The following PPP2R2A variants were observed in gnomAD, a reference collection of about 807,000 sequenced individuals.
PPP2R2A encodes the protein protein phosphatase 2 regulatory subunit Balpha, also known as serine/threonine-protein phosphatase 2A 55 kDa regulatory subunit B alpha isoform.
In PPP2R2A, 9 loss-of-function variants were observed where a neutral mutation model predicts 53.2. That is an observed-to-expected ratio of 0.17 (90% CI 0.10 to 0.30). The LOEUF (loss-of-function observed/expected upper bound fraction) is 0.30. Among genes scored for constraint, PPP2R2A ranks in the 10% least tolerant of loss-of-function variants. The pLI is 1.00. For missense variants in PPP2R2A, 235 were observed against 534.6 expected, an observed-to-expected ratio of 0.44 and a Z score of 5.53; for synonymous variants, 169 against 174.2, an observed-to-expected ratio of 0.97 and a Z score of 0.23.
At position 26,338,525 on chromosome 8, in the gene PPP2R2A, T is replaced by A. The variant is rs1563308326; in HGVS notation, c.83-365T>A. 6.6e-6 allele frequency among the ~76,000 whole-genome samples: 1 copy of A among 152,274 alleles called. No homozygotes were observed. The highest frequency in any genetic ancestry group is 1.5e-5 in the Non-Finnish European group (1 of 68,052). On this transcript the variant is annotated intron_variant, in intron 2 of 9. Transcript: ENST00000380737. The surrounding 1 kb of genome is among the most constrained non-coding windows in gnomAD (Gnocchi z 4.5). ...TTATAGATGATTATTTGCATTTGCA[T>A]AAACAAGCTTATCAAATGTATATAA...
At chr8:26,345,588 A>AATGAC (rs771240221) in intron 3 of PPP2R2A, among the ~76,000 whole-genome samples, 1 of 152,122 alleles carries the variant, frequency 6.6e-6, no homozygotes, top group Non-Finnish European at 1.5e-5. Context: ...CCATCTCTGT[A>AATGAC]ATGACATGAC....
chr8:26,293,247 A>G lies in PPP2R2A; in HGVS notation c.8-419A>G, dbSNP rs530077864. ...ATCATTACTCCTTACCCAGGCAGTAATGTTCCCGAAGTTTTCTCTTCGTTC... is the reference window on the plus strand; with the variant it reads ...ATCATTACTCCTTACCCAGGCAGTAGTGTTCCCGAAGTTTTCTCTTCGTTC... On this transcript the variant is annotated intron_variant, in intron 1 of 9. Coordinates refer to ENST00000380737, the MANE Select transcript of PPP2R2A (RefSeq NM_002717.4). 14 of 1,535,948 alleles carry G rather than the reference A, an allele frequency of 9.1e-6. No homozygotes were observed. In the East Asian group the frequency reaches 1.7e-4, roughly 19 times the overall value.
chr8:26,323,113 C>T (rs1802924288), intron 2 of PPP2R2A, among the ~76,000 whole-genome samples: 1 of 152,192 alleles, frequency 6.6e-6, no homozygotes, highest in Non-Finnish European at 1.5e-5. Context: ...TAGCCCAGAC[C>T]TCTGGCTTTC....
intron 8 of PPP2R2A, 88 bp downstream of exon 8, chr8:26,363,978 C>T (rs1805244105): frequency 1.6e-6 from 2 of 1,239,604 alleles, no homozygotes; most frequent in Non-Finnish European, 2.2e-6. Context: ...GTTTTAATCC[C>T]TGTATGGTGT....
At chr8:26,309,061 G>A (rs1165961197) in intron 2 of PPP2R2A, among the ~76,000 whole-genome samples, 1 of 152,084 alleles carries the variant, frequency 6.6e-6, no homozygotes, top group Admixed American at 6.6e-5. Context: ...GGGTTTCAAT[G>A]TGTTGTCCAG....
At chr8:26,358,435 GTA>G (rs1804906633) in intron 4 of PPP2R2A, among the ~76,000 whole-genome samples, 1 of 152,140 alleles carries the variant, frequency 6.6e-6, no homozygotes. Flanking sequence ...TAGAAAATCT[GTA>G]TGACTGAACT....
At chr8:26,298,251 A>G (rs1801629044) in intron 2 of PPP2R2A, among the ~76,000 whole-genome samples, 1 of 152,172 alleles carries the variant, frequency 6.6e-6, no homozygotes, top group Non-Finnish European at 1.5e-5. Flanking sequence ...CTAATAATGT[A>G]TTAAAGGGTT....
At chr8:26,366,262 T>C in intron 8 of PPP2R2A, 53 bp from the exon 9 acceptor site, 1 of 1,418,940 alleles carries the variant, frequency 7.0e-7, no homozygotes, top group East Asian at 2.3e-5. Context: ...AGATATGGAC[T>C]TGTTAAATCA....
At chr8:26,299,081 C>G (rs1801668494) in intron 2 of PPP2R2A, among the ~76,000 whole-genome samples, 1 of 152,132 alleles carries the variant, frequency 6.6e-6, no homozygotes, top group Admixed American at 6.5e-5. Flanking sequence ...TGAGACCAGC[C>G]TGGACAACAT....
Position 26,362,847 on chromosome 8 carries a change from A to G in PPP2R2A, c.801A>G (p.Lys267=), listed in dbSNP as rs752713219. The G allele has an allele frequency of 1.2e-5, 19 of 1,611,244 alleles. No individual in the cohort carries two copies. In the Admixed American group the frequency reaches 1.8e-4, roughly 16 times the overall value. The change falls in exon 7 of 10, where the codon AAA becomes AAG. Residue 267 remains lysine (K), a splice_region_variant and synonymous_variant. Coordinates refer to ENST00000380737, the MANE Select transcript of PPP2R2A (RefSeq NM_002717.4). The surrounding 1 kb of genome is among the most constrained non-coding windows in gnomAD (Gnocchi z 4.4). ...CTGCCCTCTGTGATAGACATTCTAA[A>G]TGTAAGTTTATTGTATCTTTCCTTA... The part of the protein sequence containing the change: ...RASALCDRHS[K]LFEEPEDPSN...
chr8:26,362,052 T>A lies in PPP2R2A; in HGVS notation c.638-632T>A, dbSNP rs9773738. Reference sequence around the variant, plus strand: ...GATTAAGATTAATCTTAAGATTAGATTAAGATTAATTTTAAGATTAGAAAA... The same window carrying A: ...GATTAAGATTAATCTTAAGATTAGAATAAGATTAATTTTAAGATTAGAAAA... On this transcript the variant is annotated intron_variant, in intron 6 of 9. Coordinates refer to ENST00000380737, the MANE Select transcript of PPP2R2A (RefSeq NM_002717.4). This position sits in a 1 kb window ranked among gnomAD's most constrained non-coding sequence, Gnocchi z 4.4. Among the ~76,000 whole-genome samples the A allele has an allele frequency of 6.8e-6, 1 of 147,216 alleles. No individual in the cohort carries two copies. Among genetic ancestry groups the A allele is most frequent in the African/African-American group, 2.5e-5 (1 of 39,512 alleles).
intron 2 of PPP2R2A, among the ~76,000 whole-genome samples, chr8:26,305,186 C>T (rs894989246): frequency 1.6e-4 from 25 of 152,142 alleles, no homozygotes; most frequent in Non-Finnish European, 3.5e-4. Context: ...TTGTGACTGG[C>T]TTATTTCATA....
chr8:26,342,457 T>G (rs1219167251), intron 3 of PPP2R2A, among the ~76,000 whole-genome samples: 1 of 152,174 alleles, frequency 6.6e-6, no homozygotes, highest in Non-Finnish European at 1.5e-5. Flanking sequence ...TTTTTGTTGT[T>G]TCCATGGGTG....
At chr8:26,324,087 T>A (rs1261921140) in intron 2 of PPP2R2A, among the ~76,000 whole-genome samples, 1 of 152,214 alleles carries the variant, frequency 6.6e-6, no homozygotes, top group African/African-American at 2.4e-5. Context: ...GCTTTCTTGT[T>A]TGCATCAAGT....
At chr8:26,312,375 G>T (rs1802330703) in intron 2 of PPP2R2A, among the ~76,000 whole-genome samples, 1 of 152,184 alleles carries the variant, frequency 6.6e-6, no homozygotes, top group Admixed American at 6.5e-5. Context: ...TGTGATTTTT[G>T]CATTTCTGAT....
intron 3 of PPP2R2A, among the ~76,000 whole-genome samples, chr8:26,345,249 T>A (rs996563590): frequency 3.3e-5 from 5 of 152,210 alleles, no homozygotes; most frequent in South Asian, 2.1e-4. Flanking sequence ...GAATTAATTA[T>A]TTAATTAATA....
intron 2 of PPP2R2A, among the ~76,000 whole-genome samples, chr8:26,316,576 A>G (rs1437715155): frequency 6.6e-6 from 1 of 152,218 alleles, no homozygotes; most frequent in Non-Finnish European, 1.5e-5. Context: ...GACATTTGTC[A>G]AAGACCTTTT....
intron 3 of PPP2R2A, among the ~76,000 whole-genome samples, chr8:26,339,476 C>G (rs1387152511): frequency 6.6e-6 from 1 of 152,104 alleles, no homozygotes; most frequent in Non-Finnish European, 1.5e-5. Flanking sequence ...ATGACAGTTG[C>G]ATGTACATGC....
chr8:26,304,050 ACTT>A (rs1057127215), intron 2 of PPP2R2A, among the ~76,000 whole-genome samples: 1 of 152,230 alleles, frequency 6.6e-6, no homozygotes, highest in Non-Finnish European at 1.5e-5. Context: ...TGGTTTAAGA[ACTT>A]CTGCTCTAAT....
Sources: gnomAD v4.1 joint callset for allele counts (sites outside exome capture counted in the v4.1 genomes callset) on GRCh38, gnomAD v4.1.1 for gene constraint, Gnocchi (gnomAD v3.1) non-coding constraint, MANE v1.5 for transcripts, NCBI Gene and HGNC (gene_info 2026-07-23, HGNC 2026-07-21) for gene names.